The following PEBP4 variants were observed in gnomAD, a reference collection of about 807,000 sequenced individuals.
PEBP4 encodes phosphatidylethanolamine binding protein 4.
PEBP4 carries 22 observed loss-of-function variants against 23.9 expected under a neutral mutation model. The observed-to-expected ratio is 0.92, with a 90% CI of 0.66 to 1.31. The LOEUF (loss-of-function observed/expected upper bound fraction) is 1.31, where lower values mean the gene tolerates loss of function less well. Ranked by LOEUF, PEBP4 falls within the 40% of genes most tolerant of loss-of-function variation. The pLI, the probability that PEBP4 is intolerant of heterozygous loss-of-function variation, is 0.00. For synonymous variants in PEBP4, 112 were observed against 99.3 expected (o/e 1.13, Z -0.76); for missense variants, 324 against 281.7 (o/e 1.15, Z -1.07).
At chr8:22,828,854 C>T (rs1226742000) in intron 3 of PEBP4, among the ~76,000 whole-genome samples, 1 of 152,104 alleles carries the variant, frequency 6.6e-6, no homozygotes, top group Non-Finnish European at 1.5e-5. Flanking sequence ...CTCGGGCAAT[C>T]TTTCCCTCTC....
intron 3 of PEBP4, among the ~76,000 whole-genome samples, chr8:22,882,364 G>C (rs1194555814): frequency 6.6e-6 from 1 of 152,232 alleles, no homozygotes; most frequent in Non-Finnish European, 1.5e-5. Context: ...CCTGCACTGA[G>C]CAGAGGGGGG....
At chr8:22,716,375 G>A (rs988806243) in intron 6 of PEBP4, among the ~76,000 whole-genome samples, 5 of 152,206 alleles carry the variant, frequency 3.3e-5, no homozygotes, top group Admixed American at 2.0e-4. Context: ...TCCAGATGGG[G>A]GCCAAGGGGA....
intron 3 of PEBP4, among the ~76,000 whole-genome samples, chr8:22,916,407 G>C (rs974727861): frequency 6.6e-6 from 1 of 152,172 alleles, no homozygotes; most frequent in Admixed American, 6.5e-5. Flanking sequence ...GCTGGCACGG[G>C]AGCCAGCCAC....
At chr8:22,793,299 C>T (rs984032225) in intron 4 of PEBP4, among the ~76,000 whole-genome samples, 2 of 152,124 alleles carry the variant, frequency 1.3e-5, no homozygotes, top group African/African-American at 4.8e-5. Flanking sequence ...CAGAGTTTCA[C>T]TCCGTCACCT....
chr8:22,782,801 G>A (rs945814622), intron 4 of PEBP4, among the ~76,000 whole-genome samples: 3 of 152,200 alleles, frequency 2.0e-5, no homozygotes, highest in Admixed American at 6.5e-5. Context: ...GAGGCAGCAC[G>A]TTTTAGGGTA....
intron 3 of PEBP4, among the ~76,000 whole-genome samples, chr8:22,918,832 G>A (rs1182547357): frequency 6.6e-6 from 1 of 152,186 alleles, no homozygotes; most frequent in Non-Finnish European, 1.5e-5. Flanking sequence ...TCCTTTCTCT[G>A]CTCCTCTTGG....
intron 3 of PEBP4, among the ~76,000 whole-genome samples, chr8:22,836,824 G>A (rs893007992): frequency 1.3e-5 from 2 of 151,798 alleles, no homozygotes; most frequent in Non-Finnish European, 2.9e-5. Flanking sequence ...GTCAAATGAT[G>A]AATTAAGATA....
rs534532918 is a variant in PEBP4 at position 22,795,364 on chromosome 8, A to G, written c.357+22273T>C. ...CTAATTTTTTATATTTTTAGTAGAG[A>G]CGGGGTTTCACCGTGTTAGCCAGGA... On this transcript the variant is annotated intron_variant, in intron 4 of 6. Coordinates refer to ENST00000256404, the MANE Select transcript of PEBP4 (RefSeq NM_144962.3). Among the ~76,000 whole-genome samples the G allele has an allele frequency of 7.9e-5, 12 of 151,280 alleles. No homozygotes were observed. In the South Asian group the frequency reaches 2.5e-3, roughly 32 times the overall value.
At chr8:22,929,767 G>A (rs1169726287), upstream of PEBP4, among the ~76,000 whole-genome samples, 1 of 152,168 alleles carries the variant, frequency 6.6e-6, no homozygotes, top group Non-Finnish European at 1.5e-5. Flanking sequence ...GGAGTGCAAT[G>A]GGGTGATGCT....
chr8:22,901,563 C>T (rs117105606), intron 3 of PEBP4, among the ~76,000 whole-genome samples: 3 of 152,238 alleles, frequency 2.0e-5, no homozygotes, highest in East Asian at 1.9e-4. Context: ...CTGTGCAGCT[C>T]GACTAAGGCA....
intron 3 of PEBP4, among the ~76,000 whole-genome samples, chr8:22,869,391 G>T (rs957192866): frequency 1.3e-5 from 2 of 152,152 alleles, no homozygotes; most frequent in African/African-American, 4.8e-5. Flanking sequence ...CAAGACTTGG[G>T]GCTTTGTCTC....
At chr8:22,718,090 G>A (rs960329226) in intron 6 of PEBP4, among the ~76,000 whole-genome samples, 2 of 152,130 alleles carry the variant, frequency 1.3e-5, no homozygotes, top group South Asian at 2.1e-4. Context: ...CTGATACTGC[G>A]GGCTCCAGAG....
intron 4 of PEBP4, chr8:22,745,817 A>T (rs1450189682): frequency 6.6e-6 from 1 of 152,194 alleles, no homozygotes; most frequent in Non-Finnish European, 1.5e-5. Context: ...TGCCTTACCC[A>T]TGAGCTCTCC....
At chr8:22,713,632 G>A (rs974099891) in intron 6 of PEBP4, 96 bp from the exon 7 acceptor site, 50 of 1,547,970 alleles carry the variant, frequency 3.2e-5, no homozygotes, top group Middle Eastern at 2.0e-4. Context: ...CGTGGGAGCC[G>A]AGGCAGCAGG....
chr8:22,857,279 C>T (rs970175630), intron 3 of PEBP4, among the ~76,000 whole-genome samples: 1 of 152,020 alleles, frequency 6.6e-6, no homozygotes, highest in African/African-American at 2.4e-5. Context: ...CACTTACTCA[C>T]TCACACATTT....
intron 4 of PEBP4, among the ~76,000 whole-genome samples, chr8:22,789,742 C>T (rs1806098782): frequency 6.6e-6 from 1 of 152,210 alleles, no homozygotes; most frequent in South Asian, 2.1e-4. Flanking sequence ...AATGGATGCT[C>T]ACCTTGTCAA....
intron 4 of PEBP4, among the ~76,000 whole-genome samples, chr8:22,773,835 C>T (rs570519923): frequency 2.0e-5 from 3 of 152,262 alleles, no homozygotes; most frequent in East Asian, 1.9e-4. Flanking sequence ...TTACCTCCTC[C>T]ACCCTTTTCC....
At chr8:22,924,863 G>A (rs1400393466) in intron 2 of PEBP4, 22 of 985,258 alleles carry the variant, frequency 2.2e-5, no homozygotes, top group African/African-American at 7.0e-5. Flanking sequence ...TCTGATTCCC[G>A]AGAAGCGTTA....
chr8:22,766,864 G>A (rs530996789), intron 4 of PEBP4, among the ~76,000 whole-genome samples: 14 of 152,296 alleles, frequency 9.2e-5, no homozygotes, highest in Middle Eastern at 3.4e-3. Context: ...GGAGGAAGCC[G>A]ACTAAGCTGG....
Sources: allele counts gnomAD v4.1 joint callset (sites outside exome capture counted in the v4.1 genomes callset), GRCh38; gene constraint gnomAD v4.1.1; transcripts MANE v1.5; gene names NCBI Gene and HGNC (gene_info 2026-07-23, HGNC 2026-07-21).